The following ABL1 variants were observed in gnomAD, a reference collection of about 807,000 sequenced individuals.
The protein encoded by ABL1 is ABL proto-oncogene 1, non-receptor tyrosine kinase.
Under a neutral mutation model 94.7 loss-of-function variants are expected in ABL1, and 11 were observed. That is an observed-to-expected ratio of 0.12 (90% CI 0.07 to 0.19). ABL1 has a LOEUF of 0.19. ABL1 is among the 10% of genes least tolerant of loss of function. The pLI is 1.00. For missense variants in ABL1, 1,082 were observed against 1,489.4 expected (o/e 0.73, Z 4.50); for synonymous variants, 656 against 622.4 (o/e 1.05, Z -0.80).
At chr9:130,727,802 A>G (rs1346525268) in intron 1 of ABL1, among the ~76,000 whole-genome samples, 1 of 147,252 alleles carries the variant, frequency 6.8e-6, no homozygotes, top group Non-Finnish European at 1.5e-5. Context: ...AAGACTGAAC[A>G]AGAACAAGAG....
At chr9:130,816,084 C>T (rs942115930) in intron 1 of ABL1, among the ~76,000 whole-genome samples, 2 of 152,222 alleles carry the variant, frequency 1.3e-5, no homozygotes, top group South Asian at 2.1e-4. Context: ...GGCTTCACCC[C>T]GTCTCCCCAC....
At chr9:130,749,237 G>C (rs1273608727) in intron 1 of ABL1, among the ~76,000 whole-genome samples, 1 of 152,184 alleles carries the variant, frequency 6.6e-6, no homozygotes. Context: ...GGAAATTAAT[G>C]CTGGTGACCA....
chr9:130,885,205 CGGG>C lies in ABL1; in HGVS notation c.2917_2919del (p.Gly973del). 6.2e-7 allele frequency: 1 copy of C among 1,613,598 alleles called. No individual in the cohort carries two copies. The highest frequency in any genetic ancestry group is 8.5e-7 in the Non-Finnish European group (1 of 1,179,994). On this transcript the variant is annotated inframe_deletion, in exon 11 of 11. Coordinates refer to ENST00000318560, the MANE Select transcript of ABL1 (RefSeq NM_005157.6). ...CCAAAGCCACAGTCCGCCAAGCCGT[CGGG>C]GACCCCCATCAGCCCAGCCCCCGTT...
At chr9:130,825,684 A>T (rs1474595247) in intron 1 of ABL1, among the ~76,000 whole-genome samples, 1 of 152,262 alleles carries the variant, frequency 6.6e-6, no homozygotes, top group African/African-American at 2.4e-5. Flanking sequence ...TTAGTGATTT[A>T]AAATTATTTG....
chr9:130,759,090 TTTG>T lies in ABL1; in HGVS notation c.136+44642_136+44644del, dbSNP rs1319120880. 3.3e-5 allele frequency among the ~76,000 whole-genome samples: 5 copies of T among 152,020 alleles called. No homozygotes were observed. In the East Asian group the frequency reaches 5.8e-4, roughly 18 times the overall value. ...ACATCACAATCTGATCAAGAAATGG[TTTG>T]TTGTTGCGTAGAGGAAGAGAAGACG... On this transcript the variant is annotated intron_variant, in intron 1 of 10. Coordinates refer to the ABL1 transcript ENST00000372348.
chr9:130,750,644 C>CTTTTTTTTTTTTTTTTTT (rs71389345), intron 1 of ABL1, among the ~76,000 whole-genome samples: 9 of 87,280 alleles, frequency 1.0e-4, no homozygotes, highest in South Asian at 4.3e-4. Context: ...CTTTTTCTTT[C>CTTTTTTTTTTTTTTTTTT]TTTTTTTTTT....
chr9:130,721,137 A>T (rs137940565), intron 1 of ABL1, among the ~76,000 whole-genome samples: 4,269 of 152,084 alleles, frequency 0.028, 81 homozygotes, highest in African/African-American at 0.05. Context: ...CCAGCACTTT[A>T]GGAGGCCAAG....
chr9:130,863,051 C>T lies in ABL1; in HGVS notation c.822+16C>T, dbSNP rs12551730. 1.0e-5 allele frequency: 16 copies of T among 1,578,478 alleles called. No individual in the cohort carries two copies. The highest frequency in any genetic ancestry group is 8.2e-5 in the South Asian group (7 of 85,118). ...GACCTTGAAGGTAGGCTGGGACTGCCGGGGGTGCCCAGGGTACGTGGGGCA... is the reference window on the plus strand; with the variant it reads ...GACCTTGAAGGTAGGCTGGGACTGCTGGGGGTGCCCAGGGTACGTGGGGCA... On this transcript the variant is annotated intron_variant, in intron 4 of 10. Transcript: ENST00000318560. This position sits in a 1 kb window ranked among gnomAD's most constrained non-coding sequence, Gnocchi z 4.3.
At chr9:130,743,540 G>A (rs77373132) in intron 1 of ABL1, among the ~76,000 whole-genome samples, 151 of 152,266 alleles carry the variant, frequency 9.9e-4, no homozygotes, top group African/African-American at 3.6e-3. Flanking sequence ...AGGAAAATAG[G>A]TTTGAATGCA....
intron 1 of ABL1, among the ~76,000 whole-genome samples, chr9:130,798,470 G>A (rs1830009865): frequency 6.6e-6 from 1 of 152,196 alleles, no homozygotes; most frequent in Non-Finnish European, 1.5e-5. Flanking sequence ...GATAGTGGGA[G>A]TGCAGAGGAG....
At chr9:130,801,708 C>T (rs1054401664) in intron 1 of ABL1, among the ~76,000 whole-genome samples, 2 of 151,996 alleles carry the variant, frequency 1.3e-5, no homozygotes, top group African/African-American at 4.8e-5. Context: ...TTTGTTTTTG[C>T]CCCTTATAGA....
Position 130,787,937 on chromosome 9 carries a change from T to A in ABL1, c.137-66127T>A, listed in dbSNP as rs188269216. 4.2e-3 allele frequency among the ~76,000 whole-genome samples: 643 copies of A among 152,316 alleles called. 2 individuals are homozygous for A. The highest frequency in any genetic ancestry group is 9.1e-3 in the South Asian group (44 of 4,826). ...TGGCCTTGTGGCCTCAGCTCTCTGA[T>A]TAGCTCAAGAAAAGTTAGGATTTTG... On this transcript the variant is annotated intron_variant, in intron 1 of 10. Coordinates refer to the ABL1 transcript ENST00000372348.
intron 1 of ABL1, among the ~76,000 whole-genome samples, chr9:130,781,977 T>C (rs182719732): frequency 2.6e-5 from 4 of 152,226 alleles, no homozygotes; most frequent in Non-Finnish European, 1.5e-5. Context: ...TTCACACATA[T>C]GCATATATGT....
chr9:130,744,864 A>G lies in ABL1; in HGVS notation c.136+30409A>G, dbSNP rs1403761243. 3.3e-5 allele frequency among the ~76,000 whole-genome samples: 5 copies of G among 151,372 alleles called. No individual in the cohort carries two copies. In the East Asian group the frequency reaches 7.8e-4, roughly 24 times the overall value. On this transcript the variant is annotated intron_variant, in intron 1 of 10. Transcript: ENST00000372348. ...AGAGTGAGACTCCGTCTCAAAAAAAAAAAAAAAAACAAAACTATCTTTTCT... is the reference window on the plus strand; with the variant it reads ...AGAGTGAGACTCCGTCTCAAAAAAAGAAAAAAAAACAAAACTATCTTTTCT...
intron 1 of ABL1, among the ~76,000 whole-genome samples, chr9:130,760,156 T>G (rs992219727): frequency 1.4e-4 from 21 of 151,950 alleles, no homozygotes; most frequent in Non-Finnish European, 2.8e-4. Flanking sequence ...GCTAGTCCCC[T>G]TATGCTTGGG....
At chr9:130,737,831 C>CTT (rs55666318) in intron 1 of ABL1, among the ~76,000 whole-genome samples, 10 of 134,566 alleles carry the variant, frequency 7.4e-5, no homozygotes, top group African/African-American at 1.9e-4. Context: ...AGAACAGTGT[C>CTT]TTTTTTTTTT....
chr9:130,735,738 G>C (rs1831726555), intron 1 of ABL1, among the ~76,000 whole-genome samples: 1 of 151,322 alleles, frequency 6.6e-6, no homozygotes, highest in Non-Finnish European at 1.5e-5. Context: ...CCAGTCTTTA[G>C]ATATGATAAA....
Position 130,884,176 on chromosome 9 carries a change from AGC to A in ABL1, c.1889_1890del (p.Arg630GlnfsTer25). ...TTCCGGGAGATGGACGGCCAGCCGG[AGC>A]GCAGAGGGGCCGGCGAGGAAGAGGG... is the stretch of plus-strand genomic sequence containing the variant. On this transcript the variant is annotated frameshift_variant, in exon 11 of 11. Coordinates refer to ENST00000318560, the MANE Select transcript of ABL1 (RefSeq NM_005157.6). LOFTEE classifies it high-confidence loss of function. This position sits in a 1 kb window ranked among gnomAD's most constrained non-coding sequence, Gnocchi z 5.6. 6.2e-7 allele frequency: 1 copy of A among 1,612,786 alleles called. No homozygotes were observed. The highest frequency in any genetic ancestry group is 8.5e-7 in the Non-Finnish European group (1 of 1,179,816).
intron 3 of ABL1, among the ~76,000 whole-genome samples, chr9:130,858,267 T>C (rs745905315): frequency 6.6e-6 from 1 of 152,000 alleles, no homozygotes; most frequent in Non-Finnish European, 1.5e-5. Context: ...ATGGGATATG[T>C]GATTTGCAGA....
Sources: allele counts gnomAD v4.1 joint callset (sites outside exome capture counted in the v4.1 genomes callset), GRCh38; gene constraint gnomAD v4.1.1; non-coding constraint Gnocchi (gnomAD v3.1); transcripts MANE v1.5; gene names NCBI Gene and HGNC (gene_info 2026-07-23, HGNC 2026-07-21).